Variants in TRAPPC9 observed in about 807,000 individuals in gnomAD.
TRAPPC9 encodes the protein trafficking protein particle complex subunit 9.
In TRAPPC9, 83 loss-of-function variants were observed where a neutral mutation model predicts 124.0. The ratio of observed to expected loss-of-function variants is 0.67; its 90% CI spans 0.56 to 0.80. The LOEUF is 0.80. Ranked by LOEUF, TRAPPC9 falls within the 30% of genes least tolerant of loss-of-function variation. The pLI, the probability that TRAPPC9 is intolerant of heterozygous loss-of-function variation, is 0.00. For synonymous variants in TRAPPC9, 638 were observed against 617.5 expected (o/e 1.03, Z -0.49); for missense variants, 1,302 against 1,508.3 (o/e 0.86, Z 2.27).
chr8:140,436,796 G>A (rs2070829870), intron 3 of TRAPPC9, among the ~76,000 whole-genome samples: 1 of 152,290 alleles, frequency 6.6e-6, no homozygotes, highest in East Asian at 1.9e-4. Flanking sequence ...AGTACTTAGG[G>A]AGACAATGCT....
rs927519475 is a variant in TRAPPC9 at position 140,103,466 on chromosome 8, C to T, written c.2557-79387G>A. On this transcript the variant is annotated intron_variant, in intron 17 of 22. Coordinates refer to ENST00000438773, the MANE Select transcript of TRAPPC9 (RefSeq NM_001160372.4). Reference sequence around the variant, plus strand: ...TGGTTGACATCCTGGTTGGTACAAGCGATTGGGGCAGGAAGGGACCCTACT... The same window carrying T: ...TGGTTGACATCCTGGTTGGTACAAGTGATTGGGGCAGGAAGGGACCCTACT... 5.9e-5 allele frequency among the ~76,000 whole-genome samples: 9 copies of T among 152,136 alleles called. No individual in the cohort carries two copies. In the East Asian group the frequency reaches 1.7e-3, roughly 29 times the overall value.
chr8:140,143,218 T>C (rs960016719), intron 17 of TRAPPC9, among the ~76,000 whole-genome samples: 14 of 152,200 alleles, frequency 9.2e-5, no homozygotes, highest in Admixed American at 2.0e-4. Context: ...TGTACAGGCA[T>C]CCATCAATCA....
intron 9 of TRAPPC9, among the ~76,000 whole-genome samples, chr8:140,333,230 C>T (rs1182777713): frequency 1.3e-5 from 2 of 151,966 alleles, no homozygotes; most frequent in African/African-American, 4.8e-5. Context: ...AAAATGTTAA[C>T]AGGGCTTGCC....
rs77537801 is a variant in TRAPPC9 at position 139,826,281 on chromosome 8, C to T, written c.3055+59598G>A. Among the ~76,000 whole-genome samples, 14 of 152,254 alleles carry T rather than the reference C, an allele frequency of 9.2e-5. No homozygotes were observed. In the East Asian group the frequency reaches 2.5e-3, roughly 27 times the overall value. On this transcript the variant is annotated intron_variant, in intron 21 of 22. Transcript: ENST00000438773. ...GGAGAGGTGTGACTGATCGGAGGGGCGCTTCCAGAGGACTACACTGCAGGT... is the reference window on the plus strand; with the variant it reads ...GGAGAGGTGTGACTGATCGGAGGGGTGCTTCCAGAGGACTACACTGCAGGT...
intron 17 of TRAPPC9, among the ~76,000 whole-genome samples, chr8:140,057,594 C>T (rs1291068909): frequency 2.0e-5 from 3 of 152,176 alleles, no homozygotes; most frequent in Non-Finnish European, 4.4e-5. Context: ...CACAGAAGGA[C>T]AAACACTGCA....
intron 17 of TRAPPC9, among the ~76,000 whole-genome samples, chr8:140,160,663 G>A (rs2061734987): frequency 6.6e-6 from 1 of 151,436 alleles, no homozygotes; most frequent in African/African-American, 2.4e-5. Context: ...GGGGCTGGGG[G>A]AGGGATAGCA....
At position 140,445,633 on chromosome 8, in the gene TRAPPC9, G is replaced by T. The variant is rs936122136; in HGVS notation, c.584+5157C>A. Reference sequence around the variant, plus strand: ...TTAAACCAGCCACCACTGGATCCCTGCCCTGCATTTTCCAAGCTGGACAGC... The same window carrying T: ...TTAAACCAGCCACCACTGGATCCCTTCCCTGCATTTTCCAAGCTGGACAGC... On this transcript the variant is annotated intron_variant, in intron 2 of 22. Transcript: ENST00000438773. Among the ~76,000 whole-genome samples the T allele has an allele frequency of 9.8e-5, 15 of 152,320 alleles. No individual in the cohort carries two copies. In the East Asian group the frequency reaches 2.9e-3, roughly 29 times the overall value.
rs865963347 is a variant in TRAPPC9 at position 140,241,681 on chromosome 8, G to A, written c.2431+11096C>T. On this transcript the variant is annotated intron_variant, in intron 16 of 22. Coordinates refer to ENST00000438773, the MANE Select transcript of TRAPPC9 (RefSeq NM_001160372.4). The surrounding 1 kb of genome is among the most constrained non-coding windows in gnomAD (Gnocchi z 5.0). The stretch of plus-strand genomic sequence containing the variant: ...CTGCACTCCAGCCTGGCAACAGTCC[G>A]AGACTCCATCTCAAAAAAATAAAAT... Among the ~76,000 whole-genome samples, 11 of 151,012 alleles carry A rather than the reference G, an allele frequency of 7.3e-5. 1 individual carries two copies. The highest frequency in any genetic ancestry group is 8.8e-5 in the Non-Finnish European group (6 of 67,974).
At chr8:140,158,140 C>T (rs1438653428) in intron 17 of TRAPPC9, among the ~76,000 whole-genome samples, 2 of 152,072 alleles carry the variant, frequency 1.3e-5, no homozygotes, top group Non-Finnish European at 2.9e-5. Context: ...AATTGTTAGT[C>T]AAAAGGTTTG....
At chr8:140,109,207 C>A (rs994852255) in intron 17 of TRAPPC9, among the ~76,000 whole-genome samples, 2 of 152,076 alleles carry the variant, frequency 1.3e-5, no homozygotes, top group African/African-American at 4.8e-5. Context: ...CAAATGGAGG[C>A]CCCCCTACCT....
chr8:139,785,054 C>A (rs551350072), intron 21 of TRAPPC9, among the ~76,000 whole-genome samples: 4 of 152,118 alleles, frequency 2.6e-5, no homozygotes, highest in African/African-American at 4.8e-5. Context: ...ATTAAGACTG[C>A]GTGGTATTAG....
At chr8:140,003,611 A>C (rs1838549485) in intron 18 of TRAPPC9, among the ~76,000 whole-genome samples, 2 of 151,480 alleles carry the variant, frequency 1.3e-5, no homozygotes, top group Middle Eastern at 3.4e-3. Context: ...CAAAAAAAAA[A>C]AAAAAAAAAA....
In TRAPPC9 at chr8:139,825,037, A is replaced by C. The variant is rs1057085462; in HGVS notation, c.3055+60842T>G. On this transcript the variant is annotated intron_variant, in intron 21 of 22. Coordinates refer to ENST00000438773, the MANE Select transcript of TRAPPC9 (RefSeq NM_001160372.4). The surrounding 1 kb of genome is among the most constrained non-coding windows in gnomAD (Gnocchi z 4.6). ...CCCTTCTTCCCCCTCACAGAGCGCC[A>C]AAAGGACCTCTCATTCCACAGAGAA... Among the ~76,000 whole-genome samples, 2 of 152,182 alleles carry C rather than the reference A, an allele frequency of 1.3e-5. No individual in the cohort carries two copies. The highest frequency in any genetic ancestry group is 2.9e-5 in the Non-Finnish European group (2 of 68,032).
intron 21 of TRAPPC9, among the ~76,000 whole-genome samples, chr8:139,737,476 C>CCCCCG (rs1227573423): frequency 2.3e-5 from 3 of 129,840 alleles, no homozygotes; most frequent in South Asian, 2.9e-4. Flanking sequence ...TCCCCCCCCC[C>CCCCCG]CCACGGAAAA....
At chr8:140,225,821 T>C (rs1339258934) in intron 16 of TRAPPC9, among the ~76,000 whole-genome samples, 4 of 152,152 alleles carry the variant, frequency 2.6e-5, no homozygotes, top group Non-Finnish European at 5.9e-5. Context: ...CTCTGACATA[T>C]ACACAGGACC....
intron 1 of TRAPPC9, 65 bp from the exon 2 acceptor site, chr8:140,451,448 G>A (rs537394958): frequency 1.8e-5 from 25 of 1,393,676 alleles, no homozygotes; most frequent in Non-Finnish European, 2.5e-5. Context: ...CCTACCCTGG[G>A]AGGCAGTGAC....
chr8:140,167,478 C>G (rs1287056209), intron 17 of TRAPPC9, among the ~76,000 whole-genome samples: 1 of 152,178 alleles, frequency 6.6e-6, no homozygotes, highest in Non-Finnish European at 1.5e-5. Context: ...CCATCACCAT[C>G]CTCACCTGAC....
intron 9 of TRAPPC9, among the ~76,000 whole-genome samples, chr8:140,355,643 G>C (rs947546445): frequency 6.6e-6 from 1 of 152,226 alleles, no homozygotes; most frequent in African/African-American, 2.4e-5. Flanking sequence ...ACAGCACTGG[G>C]GGGGAATTAA....
At chr8:140,196,044 A>G (rs888449438) in intron 17 of TRAPPC9, among the ~76,000 whole-genome samples, 1 of 128,756 alleles carries the variant, frequency 7.8e-6, no homozygotes, top group African/African-American at 3.0e-5. Flanking sequence ...TGACACTAAA[A>G]CACATTGAAC....
Sources: gnomAD v4.1 joint callset for allele counts (sites outside exome capture counted in the v4.1 genomes callset) on GRCh38, gnomAD v4.1.1 for gene constraint, Gnocchi (gnomAD v3.1) non-coding constraint, MANE v1.5 for transcripts, NCBI Gene and HGNC (gene_info 2026-07-23, HGNC 2026-07-21) for gene names.